The following GALNT14 variants were observed in gnomAD, a reference collection of about 807,000 sequenced individuals.
GALNT14 encodes the protein polypeptide N-acetylgalactosaminyltransferase 14.
GALNT14 carries 60 observed loss-of-function variants against 77.5 expected under a neutral mutation model. That is an observed-to-expected ratio of 0.77 (90% CI 0.63 to 0.96). GALNT14 has a LOEUF of 0.96. Among genes scored for constraint, GALNT14 ranks in the 40% least tolerant of loss-of-function variants. GALNT14 has a pLI of 0.00. For synonymous variants in GALNT14, 280 were observed against 281.7 expected, an observed-to-expected ratio of 0.99 and a Z score of 0.06; for missense variants, 710 against 731.0, an observed-to-expected ratio of 0.97 and a Z score of 0.33.
Position 31,138,124 on chromosome 2 carries a change from C to T in GALNT14, c.-38G>A. On this transcript the variant is annotated 5_prime_UTR_variant, in exon 1 of 15. Transcript: ENST00000349752. ...CGCTTCCTCTCCGCGGCGCTACGTC[C>T]CGGGGGCACCCCCCGGCGGTCAGGG... is the stretch of plus-strand genomic sequence containing the variant. 2 of 1,612,864 alleles carry T rather than the reference C, an allele frequency of 1.2e-6. No individual in the cohort carries two copies. The highest frequency in any genetic ancestry group is 1.7e-6 in the Non-Finnish European group (2 of 1,179,474).
At chr2:30,948,651 G>C (rs115888801) in intron 6 of GALNT14, among the ~76,000 whole-genome samples, 7,184 of 152,280 alleles carry the variant, frequency 0.047, 583 homozygotes, top group African/African-American at 0.16. Context: ...ACAACTGGAA[G>C]CTTGTGCCTG....
intron 1 of GALNT14, among the ~76,000 whole-genome samples, chr2:31,057,898 C>T (rs565573731): frequency 1.3e-4 from 20 of 152,006 alleles, no homozygotes; most frequent in Non-Finnish European, 2.6e-4. Flanking sequence ...CTGCAGGAGA[C>T]CTTCAGGAGG....
chr2:30,963,694 A>G lies in GALNT14; in HGVS notation c.398+2510T>C, dbSNP rs1187394571. Among the ~76,000 whole-genome samples the G allele has an allele frequency of 7.2e-5, 11 of 152,328 alleles. 1 individual carries two copies. The South Asian group carries it at 2.1e-3, about 29-fold the overall frequency. Reference sequence around the variant, plus strand: ...ATATTTTTATCATCATTTTCTACAGATGTAGTTAATAACATGCCCCAGGGT... The same window carrying G: ...ATATTTTTATCATCATTTTCTACAGGTGTAGTTAATAACATGCCCCAGGGT... On this transcript the variant is annotated intron_variant, in intron 3 of 14. Coordinates refer to ENST00000349752, the MANE Select transcript of GALNT14 (RefSeq NM_024572.4).
intron 13 of GALNT14, among the ~76,000 whole-genome samples, chr2:30,921,453 A>G (rs758173508): frequency 5.3e-5 from 8 of 152,182 alleles, no homozygotes; most frequent in Admixed American, 1.3e-4. Context: ...AGCAAAATCA[A>G]CACCTCAATT....
At chr2:31,126,351 A>G (rs547762175) in intron 1 of GALNT14, among the ~76,000 whole-genome samples, 2 of 152,192 alleles carry the variant, frequency 1.3e-5, no homozygotes, top group East Asian at 3.9e-4. Flanking sequence ...AGCATATGGA[A>G]GTTGAAAGAG....
intron 2 of GALNT14, 96 bp from the exon 3 acceptor site, chr2:30,966,398 C>T: frequency 1.2e-6 from 1 of 819,776 alleles, no homozygotes; most frequent in South Asian, 1.5e-5. Context: ...ATCCCTATGC[C>T]AGATGCTTGA....
chr2:30,957,627 G>T (rs1474939940), intron 4 of GALNT14, among the ~76,000 whole-genome samples: 1 of 152,156 alleles, frequency 6.6e-6, no homozygotes, highest in Non-Finnish European at 1.5e-5. Context: ...CAATGGGTAG[G>T]GGTTTCCAGC....
chr2:31,130,701 G>A (rs1203651577), intron 1 of GALNT14, among the ~76,000 whole-genome samples: 1 of 150,454 alleles, frequency 6.6e-6, no homozygotes, highest in African/African-American at 2.5e-5. Flanking sequence ...CCAGCACATT[G>A]CAGGAGCTCC....
chr2:31,048,375 CATGAG>C (rs1673615699), intron 1 of GALNT14, among the ~76,000 whole-genome samples: 1 of 152,194 alleles, frequency 6.6e-6, no homozygotes, highest in Non-Finnish European at 1.5e-5. Context: ...CACTTCTCCC[CATGAG>C]GAGCCTGATC....
At chr2:30,996,447 G>A (rs1670034900) in intron 1 of GALNT14, among the ~76,000 whole-genome samples, 1 of 152,234 alleles carries the variant, frequency 6.6e-6, no homozygotes, top group Admixed American at 6.5e-5. Flanking sequence ...GCTGGAACTG[G>A]GGCCTGCCTA....
intron 2 of GALNT14, among the ~76,000 whole-genome samples, chr2:30,973,587 C>T (rs1351530659): frequency 1.3e-5 from 2 of 152,196 alleles, no homozygotes; most frequent in African/African-American, 4.8e-5. Context: ...TGGCTGGCCC[C>T]TTGGTTCAAA....
intron 3 of GALNT14, among the ~76,000 whole-genome samples, chr2:30,960,998 C>G (rs1209540746): frequency 6.6e-6 from 1 of 152,238 alleles, no homozygotes; most frequent in African/African-American, 2.4e-5. Flanking sequence ...GGCAGGTACA[C>G]AGGTGGCTTC....
chr2:30,955,457 C>A (rs1667303510), intron 6 of GALNT14, among the ~76,000 whole-genome samples, 161 bp downstream of exon 6: 1 of 152,368 alleles, frequency 6.6e-6, no homozygotes, highest in Middle Eastern at 3.4e-3. Flanking sequence ...CTCACACAGG[C>A]TGCTCTACCT....
At chr2:30,911,711 G>A (rs1664374933) in intron 14 of GALNT14, among the ~76,000 whole-genome samples, 2 of 152,204 alleles carry the variant, frequency 1.3e-5, no homozygotes, top group African/African-American at 4.8e-5. Context: ...CACACAGCCT[G>A]TAAACCATAA....
At chr2:31,032,505 G>A (rs1325688273) in intron 1 of GALNT14, among the ~76,000 whole-genome samples, 1 of 152,172 alleles carries the variant, frequency 6.6e-6, no homozygotes, top group Non-Finnish European at 1.5e-5. Flanking sequence ...GGGCTTAATT[G>A]TTGCTGTTTT....
At chr2:30,956,113 TGACTCC>T in intron 4 of GALNT14, 136 bp from the exon 5 acceptor site, 3 of 795,624 alleles carry the variant, frequency 3.8e-6, no homozygotes, top group African/African-American at 1.7e-5. Context: ...AGTGCAGTCC[TGACTCC>T]AGGGTGTTTC....
At chr2:30,949,857 C>T (rs1456592864) in intron 6 of GALNT14, among the ~76,000 whole-genome samples, 1 of 152,134 alleles carries the variant, frequency 6.6e-6, no homozygotes, top group Non-Finnish European at 1.5e-5. Flanking sequence ...TATAGATACA[C>T]AGCCTAGGGG....
chr2:31,040,042 G>T (rs1558516545), intron 1 of GALNT14, among the ~76,000 whole-genome samples: 1 of 152,132 alleles, frequency 6.6e-6, no homozygotes, highest in African/African-American at 2.4e-5. Context: ...AACAAATATA[G>T]TTAATGGAAT....
chr2:31,026,677 C>A (rs1396621036), intron 1 of GALNT14, among the ~76,000 whole-genome samples: 1 of 152,238 alleles, frequency 6.6e-6, no homozygotes, highest in African/African-American at 2.4e-5. Context: ...TGCGGGGAGA[C>A]TGTGGACCAG....
Sources: gnomAD v4.1 joint callset for allele counts (sites outside exome capture counted in the v4.1 genomes callset) on GRCh38, gnomAD v4.1.1 for gene constraint, MANE v1.5 for transcripts, NCBI Gene and HGNC (gene_info 2026-07-23, HGNC 2026-07-21) for gene names.